The following IDO2 variants were observed in gnomAD, a reference collection of about 807,000 sequenced individuals.
IDO2 encodes the protein indoleamine 2,3-dioxygenase 2, also known as indoleamine 2,3-dioxygenase-like 1 protein.
A neutral mutation model predicts 45.1 loss-of-function variants in IDO2; 46 were observed. The ratio of observed to expected loss-of-function variants is 1.02; its 90% CI spans 0.80 to 1.30. The LOEUF (loss-of-function observed/expected upper bound fraction) is 1.30. IDO2 is among the 50% of genes most tolerant of loss of function. IDO2 has a pLI of 0.00. For missense variants in IDO2, 544 were observed against 491.8 expected, an observed-to-expected ratio of 1.11 and a Z score of -1.00; for synonymous variants, 218 against 184.9, an observed-to-expected ratio of 1.18 and a Z score of -1.45.
intron 3 of IDO2, among the ~76,000 whole-genome samples, chr8:39,965,305 G>A (rs1808068343): frequency 6.6e-6 from 1 of 152,108 alleles, no homozygotes; most frequent in Non-Finnish European, 1.5e-5. Context: ...GAGAAACATG[G>A]TGAAACCATG....
chr8:39,979,694 TCTGA>T (rs1210597594), intron 4 of IDO2, among the ~76,000 whole-genome samples: 3 of 152,226 alleles, frequency 2.0e-5, no homozygotes, highest in African/African-American at 7.2e-5. Context: ...TTTTAATTTT[TCTGA>T]CTAAGAGCTA....
chr8:40,007,505 G>C, intron 9 of IDO2, among the ~76,000 whole-genome samples: 1 of 144,274 alleles, frequency 6.9e-6, no homozygotes, highest in Admixed American at 6.7e-5. Context: ...AGCTGGGAGT[G>C]TGTTTTAGTA....
intron 6 of IDO2, 188 bp downstream of exon 6, chr8:39,985,710 C>G (rs775213269): frequency 8.4e-6 from 5 of 594,894 alleles, no homozygotes; most frequent in Non-Finnish European, 1.5e-5. Flanking sequence ...GTGATTGCCT[C>G]TTCCTTGTAT....
rs1807520284 is a variant in IDO2 at position 39,934,795 on chromosome 8, AG to A, written c.-440del. The A allele has an allele frequency of 3.3e-6, 1 of 303,350 alleles. No homozygotes were observed. Among genetic ancestry groups the A allele is most frequent in the African/African-American group, 2.3e-5 (1 of 44,014 alleles). 18.8% of individuals were successfully genotyped at this position (303,350 alleles called of 1,614,324 possible). On this transcript the variant is annotated 5_prime_UTR_variant, in exon 1 of 11. An upstream open reading frame in the 5' UTR loses its in-frame stop. Transcript: ENST00000502986. ...TACTTTTGCCATAGGAGTGGCAGCCAGAGAACTGAGCCCAATGAATGCAAAG... is the reference window on the plus strand; with the variant it reads ...TACTTTTGCCATAGGAGTGGCAGCCAAGAACTGAGCCCAATGAATGCAAAG...
intron 1 of IDO2, among the ~76,000 whole-genome samples, chr8:39,944,843 C>T (rs996335352): frequency 2.6e-5 from 4 of 152,290 alleles, no homozygotes; most frequent in African/African-American, 9.6e-5. Context: ...AGCCGTCTCT[C>T]GGTCGCTGGC....
intron 2 of IDO2, among the ~76,000 whole-genome samples, chr8:39,956,581 A>G (rs765021519): frequency 1.3e-5 from 2 of 152,208 alleles, no homozygotes; most frequent in Admixed American, 1.3e-4. Flanking sequence ...TTTCAAGTGT[A>G]TTAGCAAAAT....
chr8:40,005,506 C>A, intron 9 of IDO2, 128 bp downstream of exon 9: 1 of 495,438 alleles, frequency 2.0e-6, no homozygotes, highest in Non-Finnish European at 3.5e-6. Context: ...GGGATCCACT[C>A]TCAGGTAAAA....
chr8:39,940,039 TCATGCAACC>T (rs1443281008), intron 1 of IDO2, among the ~76,000 whole-genome samples: 2 of 148,786 alleles, frequency 1.3e-5, no homozygotes, highest in African/African-American at 4.9e-5. Context: ...GGAAAGCTGA[TCATGCAACC>T]CAAGACGCCA....
At chr8:39,984,258 T>C (rs922659403) in intron 5 of IDO2, among the ~76,000 whole-genome samples, 6 of 152,172 alleles carry the variant, frequency 3.9e-5, no homozygotes, top group African/African-American at 1.4e-4. Context: ...GCAGGTCACC[T>C]GAGATCAGGA....
At chr8:39,940,981 G>A (rs537869398) in intron 1 of IDO2, among the ~76,000 whole-genome samples, 20 of 150,804 alleles carry the variant, frequency 1.3e-4, no homozygotes, top group African/African-American at 4.9e-4. Flanking sequence ...AGCACTTTGG[G>A]AGGCTGAGGC....
chr8:40,004,266 G>C (rs1802181428), intron 8 of IDO2, among the ~76,000 whole-genome samples: 1 of 152,114 alleles, frequency 6.6e-6, no homozygotes, highest in South Asian at 2.1e-4. Flanking sequence ...GAGTCACCCA[G>C]GCTCATGGAC....
At chr8:39,986,286 C>T (rs1164377313) in intron 6 of IDO2, 3 of 152,226 alleles carry the variant, frequency 2.0e-5, no homozygotes, top group Non-Finnish European at 2.9e-5. Flanking sequence ...CCTTAGGCTC[C>T]GCTTCTCCTG....
chr8:39,955,132 C>T (rs530046961), intron 2 of IDO2, among the ~76,000 whole-genome samples: 63 of 149,244 alleles, frequency 4.2e-4, no homozygotes, highest in African/African-American at 1.5e-3. Flanking sequence ...GGGGGAGACA[C>T]AATTTAGCAC....
At chr8:39,955,062 C>T (rs547625635) in intron 2 of IDO2, among the ~76,000 whole-genome samples, 51 of 151,186 alleles carry the variant, frequency 3.4e-4, no homozygotes, top group African/African-American at 1.2e-3. Context: ...CTTCAAGGGC[C>T]TATCTCCAAA....
intron 5 of IDO2, among the ~76,000 whole-genome samples, chr8:39,983,343 A>G (rs1220887724): frequency 1.3e-5 from 2 of 152,220 alleles, no homozygotes; most frequent in Non-Finnish European, 2.9e-5. Flanking sequence ...TAGACAGATG[A>G]TCTGAGATGT....
chr8:39,946,575 C>G (rs534137803), intron 1 of IDO2, among the ~76,000 whole-genome samples: 1 of 152,174 alleles, frequency 6.6e-6, no homozygotes, highest in Admixed American at 6.5e-5. Flanking sequence ...CCACTGCACT[C>G]CAGCCTGGGC....
At chr8:39,937,430 T>C (rs1482249095) in intron 1 of IDO2, among the ~76,000 whole-genome samples, 1 of 152,170 alleles carries the variant, frequency 6.6e-6, no homozygotes, top group African/African-American at 2.4e-5. Context: ...ATAAGTAACT[T>C]TTTGTTGGCT....
chr8:40,009,079 A>G (rs1330016841), intron 9 of IDO2, among the ~76,000 whole-genome samples: 1 of 152,120 alleles, frequency 6.6e-6, no homozygotes, highest in African/African-American at 2.4e-5. Flanking sequence ...CAATGGCGCA[A>G]TCTTGGCTCA....
At chr8:39,955,276 CAG>C (rs1807876468) in intron 2 of IDO2, among the ~76,000 whole-genome samples, 2 of 81,696 alleles carry the variant, frequency 2.4e-5, no homozygotes, top group African/African-American at 4.9e-5. Flanking sequence ...TTTTTTGAAA[CAG>C]AGTTTCACTC....
Sources: gnomAD v4.1 joint callset for allele counts (sites outside exome capture counted in the v4.1 genomes callset) on GRCh38, gnomAD v4.1.1 for gene constraint, MANE v1.5 for transcripts, NCBI Gene and HGNC (gene_info 2026-07-23, HGNC 2026-07-21) for gene names.